Variants in EPHA6 observed in about 807,000 individuals in gnomAD.
EPHA6 encodes ephrin type-A receptor 6.
EPHA6 carries 50 observed loss-of-function variants against 112.0 expected under a neutral mutation model. That is an observed-to-expected ratio of 0.45 (90% CI 0.36 to 0.56). The LOEUF (loss-of-function observed/expected upper bound fraction) is 0.56, where lower values mean the gene tolerates loss of function less well. Among genes scored for constraint, EPHA6 ranks in the 20% least tolerant of loss-of-function variants. The pLI is 0.00. For synonymous variants in EPHA6, 529 were observed against 490.7 expected (o/e 1.08, Z -1.03); for missense variants, 1,280 against 1,417.4 (o/e 0.90, Z 1.56).
chr3:97,602,273 T>C (rs1370273985), intron 12 of EPHA6, among the ~76,000 whole-genome samples: 1 of 152,018 alleles, frequency 6.6e-6, no homozygotes, highest in Non-Finnish European at 1.5e-5. Flanking sequence ...ATCTGAAGGT[T>C]TTTCCAATCA....
At chr3:96,835,154 C>T (rs2107295485) in intron 1 of EPHA6, among the ~76,000 whole-genome samples, 1 of 152,168 alleles carries the variant, frequency 6.6e-6, no homozygotes, top group South Asian at 2.1e-4. Flanking sequence ...AATTCACGAA[C>T]ACAATCAGCA....
rs1337396051 is a variant in EPHA6, at chr3:97,628,087, TGTTTGCTGTATTAA to T, written c.2575-9784_2575-9771del. 3.9e-5 allele frequency among the ~76,000 whole-genome samples: 6 copies of T among 152,148 alleles called. No homozygotes were observed. The East Asian group carries it at 7.8e-4, about 20-fold the overall frequency. ...TTACTATATTTTATAAGGATCACTC[TGTTTGCTGTATTAA>T]GAAGAGACTACAGTGAGGCACAAAT... On this transcript the variant is annotated intron_variant, in intron 13 of 17. Transcript: ENST00000389672.
chr3:97,450,971 G>T (rs963401445), intron 7 of EPHA6, among the ~76,000 whole-genome samples: 4 of 151,996 alleles, frequency 2.6e-5, no homozygotes, highest in African/African-American at 9.7e-5. Context: ...GAGGGTGAGA[G>T]GCTGGGGTTC....
chr3:97,576,829 CTCAGTCACTCA>C (rs2093391542), intron 11 of EPHA6, among the ~76,000 whole-genome samples: 1 of 151,836 alleles, frequency 6.6e-6, no homozygotes, highest in African/African-American at 2.4e-5. Flanking sequence ...AAAAAATGAA[CTCAGTCACTCA>C]TCAGTTTTTA....
intron 11 of EPHA6, among the ~76,000 whole-genome samples, chr3:97,561,698 T>A (rs1320783126): frequency 2.0e-5 from 3 of 152,146 alleles, no homozygotes; most frequent in Non-Finnish European, 4.4e-5. Context: ...GTAGCTAAAC[T>A]AAACAACACA....
At chr3:97,479,456 A>AG in intron 9 of EPHA6, 92 bp downstream of exon 9, 1 of 823,080 alleles carries the variant, frequency 1.2e-6, no homozygotes, top group Non-Finnish European at 1.7e-6. Context: ...TGAGAAAAAA[A>AG]GAAAAAAAAA....
At chr3:97,130,389 A>C (rs1165092606) in intron 3 of EPHA6, among the ~76,000 whole-genome samples, 1 of 148,342 alleles carries the variant, frequency 6.7e-6, no homozygotes, top group East Asian at 1.9e-4. Flanking sequence ...TTTATTGTAA[A>C]TTGGTTTGGT....
At chr3:96,856,213 C>T (rs73131526) in intron 1 of EPHA6, among the ~76,000 whole-genome samples, 387 of 151,996 alleles carry the variant, frequency 2.5e-3, no homozygotes, top group Middle Eastern at 6.8e-3. Flanking sequence ...GCACATCAGC[C>T]TGGGTGACAG....
intron 2 of EPHA6, among the ~76,000 whole-genome samples, chr3:96,877,969 C>T (rs2037078056): frequency 6.7e-6 from 1 of 149,602 alleles, no homozygotes; most frequent in Non-Finnish European, 1.5e-5. Context: ...ATCCTAAAGG[C>T]CATGTTTGGG....
intron 2 of EPHA6, among the ~76,000 whole-genome samples, chr3:96,876,033 T>G (rs1489778785): frequency 1.3e-5 from 2 of 151,160 alleles, no homozygotes; most frequent in African/African-American, 4.8e-5. Context: ...TAAACTATTT[T>G]ATTTATAAAT....
At chr3:96,862,538 A>G (rs763456962) in intron 1 of EPHA6, among the ~76,000 whole-genome samples, 1 of 151,930 alleles carries the variant, frequency 6.6e-6, no homozygotes, top group Non-Finnish European at 1.5e-5. Flanking sequence ...TTACAACAAA[A>G]TTATCCTAAA....
intron 5 of EPHA6, among the ~76,000 whole-genome samples, chr3:97,364,345 T>C (rs1159959441): frequency 7.4e-6 from 1 of 134,996 alleles, no homozygotes; most frequent in Non-Finnish European, 1.6e-5. Context: ...GGAGTTTTAG[T>C]TTTTTTTTTT....
intron 1 of EPHA6, among the ~76,000 whole-genome samples, chr3:96,835,584 A>G (rs2034360860): frequency 6.6e-6 from 1 of 152,068 alleles, no homozygotes; most frequent in Admixed American, 6.6e-5. Context: ...AGGAAAATAC[A>G]CATGCATCGT....
At chr3:97,551,667 C>A (rs1474782722) in intron 11 of EPHA6, among the ~76,000 whole-genome samples, 1 of 152,168 alleles carries the variant, frequency 6.6e-6, no homozygotes, top group Admixed American at 6.6e-5. Context: ...TATAGCACCT[C>A]TGTGACTTTG....
At chr3:96,949,378 T>G in intron 2 of EPHA6, among the ~76,000 whole-genome samples, 1 of 152,254 alleles carries the variant, frequency 6.6e-6, no homozygotes, top group East Asian at 1.9e-4. Flanking sequence ...TTTGCAGTAT[T>G]ACTTATTAGC....
intron 3 of EPHA6, among the ~76,000 whole-genome samples, chr3:97,210,477 G>A (rs2077838730): frequency 1.3e-5 from 2 of 152,034 alleles, no homozygotes; most frequent in South Asian, 4.2e-4. Context: ...GGGATGATGG[G>A]GATTACAGTT....
chr3:97,305,806 C>A (rs1247136212), intron 5 of EPHA6, among the ~76,000 whole-genome samples: 1 of 151,828 alleles, frequency 6.6e-6, no homozygotes, highest in African/African-American at 2.4e-5. Context: ...TACAGCAAAC[C>A]ATCATGGAAC....
rs953467139 is a variant in EPHA6 at position 97,492,474 on chromosome 3, G to A, written c.2200+8415G>A. ...GGAGAATCTCTAGAACCAGGGAGGC[G>A]GAGATTGTAGTGAACCGAGATAGTG... is the stretch of plus-strand genomic sequence containing the variant. On this transcript the variant is annotated intron_variant, in intron 10 of 17. Coordinates refer to ENST00000389672, the MANE Select transcript of EPHA6 (RefSeq NM_001080448.3). Among the ~76,000 whole-genome samples, 34 of 142,468 alleles carry A rather than the reference G, an allele frequency of 2.4e-4. 2 individuals are homozygous for A. The highest frequency in any genetic ancestry group is 1.3e-3 in the East Asian group (6 of 4,494). 93.5% of individuals were successfully genotyped at this position (142,468 alleles called of 152,430 possible).
intron 14 of EPHA6, among the ~76,000 whole-genome samples, chr3:97,719,849 G>C (rs984396791): frequency 1.8e-4 from 27 of 152,112 alleles, no homozygotes; most frequent in African/African-American, 6.5e-4. Context: ...TTAAGCACTT[G>C]TCTTCAATTA....
Sources: gnomAD v4.1 joint callset for allele counts (sites outside exome capture counted in the v4.1 genomes callset) on GRCh38, gnomAD v4.1.1 for gene constraint, MANE v1.5 for transcripts, NCBI Gene and HGNC (gene_info 2026-07-23, HGNC 2026-07-21) for gene names.